Variants in RPS6KA2 observed in about 807,000 individuals in gnomAD.
RPS6KA2 encodes the protein ribosomal protein S6 kinase A2.
In RPS6KA2, 42 loss-of-function variants were observed where a neutral mutation model predicts 91.8. The ratio of observed to expected loss-of-function variants is 0.46; its 90% CI spans 0.36 to 0.59. RPS6KA2 has a LOEUF of 0.59. RPS6KA2 is among the 20% of genes least tolerant of loss of function. The pLI, the probability that RPS6KA2 is intolerant of heterozygous loss-of-function variation, is 0.00. For synonymous variants in RPS6KA2, 414 were observed against 393.6 expected, an observed-to-expected ratio of 1.05 and a Z score of -0.61; for missense variants, 798 against 978.5, an observed-to-expected ratio of 0.82 and a Z score of 2.46.
intron 10 of RPS6KA2, chr6:166,475,901 A>G (rs1029204221): frequency 2.0e-6 from 1 of 492,748 alleles, no homozygotes; most frequent in African/African-American, 2.0e-5. Flanking sequence ...ACATGTATAA[A>G]CACATTATGC....
intron 2 of RPS6KA2, among the ~76,000 whole-genome samples, chr6:166,697,092 T>C (rs981181592): frequency 5.2e-5 from 7 of 135,396 alleles, no homozygotes; most frequent in Non-Finnish European, 7.7e-5. Context: ...TTTGTATGTG[T>C]GTATATGTGT....
chr6:166,736,973 TA>T (rs1790686366), intron 2 of RPS6KA2, among the ~76,000 whole-genome samples: 1 of 104,806 alleles, frequency 9.5e-6, no homozygotes, highest in African/African-American at 3.6e-5. Context: ...CCCAGAACCA[TA>T]ACCGATGCAG....
chr6:166,802,682 A>G (rs845659), intron 2 of RPS6KA2, among the ~76,000 whole-genome samples: 108,603 of 152,062 alleles, frequency 0.71, 39,227 homozygotes, highest in East Asian at 0.94. Context: ...CATGAAAACC[A>G]GTTGATCTGT....
chr6:166,587,012 T>C (rs148097226), intron 1 of RPS6KA2, among the ~76,000 whole-genome samples: 5 of 152,284 alleles, frequency 3.3e-5, no homozygotes, highest in Non-Finnish European at 7.4e-5. Context: ...GCTTCTTTCA[T>C]AGTCTCTTTC....
chr6:166,636,837 A>C (rs1382076313), intron 2 of RPS6KA2, among the ~76,000 whole-genome samples: 1 of 152,230 alleles, frequency 6.6e-6, no homozygotes, highest in Non-Finnish European at 1.5e-5. Flanking sequence ...TTTGAAAGGA[A>C]AGTTTCTACC....
At chr6:166,681,068 C>G (rs1462865993) in intron 2 of RPS6KA2, among the ~76,000 whole-genome samples, 1 of 152,160 alleles carries the variant, frequency 6.6e-6, no homozygotes, top group African/African-American at 2.4e-5. Context: ...GCTTTGTTCC[C>G]TAGTGAAGCA....
intron 2 of RPS6KA2, among the ~76,000 whole-genome samples, chr6:166,759,776 C>A (rs993965697): frequency 6.6e-6 from 1 of 152,214 alleles, no homozygotes; most frequent in African/African-American, 2.4e-5. Context: ...TACCGTCTAC[C>A]GCTGGCTGCA....
At position 166,445,094 on chromosome 6, in the gene RPS6KA2, T is replaced by C. The variant is rs192223052; in HGVS notation, c.1332+3630A>G. 6.6e-6 allele frequency among the ~76,000 whole-genome samples: 1 copy of C among 152,262 alleles called. No individual in the cohort carries two copies. The highest frequency in any genetic ancestry group is 1.5e-5 in the Non-Finnish European group (1 of 68,016). ...TAACTTAAAGCAAAATATAATGATA[T>C]TCTAAGAATGTGAGAAGTACTATGA... On this transcript the variant is annotated intron_variant, in intron 14 of 20. Transcript: ENST00000265678. The surrounding 1 kb of genome is among the most constrained non-coding windows in gnomAD (Gnocchi z 4.5).
rs972451702 is a variant in RPS6KA2 at position 166,433,068 on chromosome 6, C to T, written c.1333-578G>A. ...GGTGTTATAAGGTTGGGTGGAGACACGTGTAGGGAGCTCATGCAAGTGCCA... is the reference window on the plus strand; with the variant it reads ...GGTGTTATAAGGTTGGGTGGAGACATGTGTAGGGAGCTCATGCAAGTGCCA... On this transcript the variant is annotated intron_variant, in intron 14 of 20. Transcript: ENST00000265678. This position sits in a 1 kb window ranked among gnomAD's most constrained non-coding sequence, Gnocchi z 4.4. 2.0e-5 allele frequency among the ~76,000 whole-genome samples: 3 copies of T among 151,528 alleles called. No individual in the cohort carries two copies. The highest frequency in any genetic ancestry group is 2.9e-5 in the Non-Finnish European group (2 of 67,974).
rs1429042032 is a variant in RPS6KA2 at position 166,493,433 on chromosome 6, T to C, written c.748-2692A>G. 1.3e-5 allele frequency among the ~76,000 whole-genome samples: 2 copies of C among 152,012 alleles called. No individual in the cohort carries two copies. Among genetic ancestry groups the C allele is most frequent in the African/African-American group, 4.8e-5 (2 of 41,376 alleles). ...TTTGCTGATGAGTTTCTTGGGACGTTATTTACAGTAAGACTTTTGCTGTGT... is the reference window on the plus strand; with the variant it reads ...TTTGCTGATGAGTTTCTTGGGACGTCATTTACAGTAAGACTTTTGCTGTGT... On this transcript the variant is annotated intron_variant, in intron 8 of 20. Coordinates refer to ENST00000265678, the MANE Select transcript of RPS6KA2 (RefSeq NM_021135.6). This position sits in a 1 kb window ranked among gnomAD's most constrained non-coding sequence, Gnocchi z 4.7.
chr6:166,834,483 G>C (rs1037004125), intron 2 of RPS6KA2, among the ~76,000 whole-genome samples: 13 of 152,116 alleles, frequency 8.5e-5, no homozygotes, highest in Middle Eastern at 3.2e-3. Context: ...GGTGGGAGGA[G>C]AGAGAGAATC....
rs537535434 is a variant in RPS6KA2, at chr6:166,833,897, CTTTT to C, written c.123+24299_123+24302del. The stretch of plus-strand genomic sequence containing the variant: ...AATTCCTTTTCTTCTTTCTTTCTTT[CTTTT>C]TTTTTCTTTTTTTACAGGGTTGGGG... On this transcript the variant is annotated intron_variant, in intron 2 of 21. Transcript: ENST00000503859. Among the ~76,000 whole-genome samples the C allele has an allele frequency of 2.0e-5, 3 of 150,640 alleles. No homozygotes were observed. In the East Asian group the frequency reaches 5.8e-4, roughly 29 times the overall value.
At chr6:166,677,758 C>T (rs1788660987) in intron 2 of RPS6KA2, among the ~76,000 whole-genome samples, 1 of 152,064 alleles carries the variant, frequency 6.6e-6, no homozygotes, top group South Asian at 2.1e-4. Context: ...CACAAAATAA[C>T]CTGGAGCTGT....
intron 2 of RPS6KA2, among the ~76,000 whole-genome samples, chr6:166,633,083 G>A (rs1324375668): frequency 6.6e-6 from 1 of 152,194 alleles, no homozygotes; most frequent in African/African-American, 2.4e-5. Context: ...AGTTGGATGT[G>A]GTGGTGTGTG....
At chr6:166,565,824 C>T (rs1784483272) in intron 1 of RPS6KA2, among the ~76,000 whole-genome samples, 2 of 152,136 alleles carry the variant, frequency 1.3e-5, no homozygotes, top group African/African-American at 4.8e-5. Flanking sequence ...AGCTAGCACT[C>T]GGGACTCCAC....
chr6:166,498,363 A>G, intron 8 of RPS6KA2, 145 bp downstream of exon 8: 1 of 924,212 alleles, frequency 1.1e-6, no homozygotes, highest in Non-Finnish European at 1.5e-6. Flanking sequence ...CTGCCAGGAA[A>G]TGCTTGGCCT....
intron 2 of RPS6KA2, among the ~76,000 whole-genome samples, chr6:166,679,731 G>A (rs1334615218): frequency 6.6e-6 from 1 of 152,220 alleles, no homozygotes; most frequent in African/African-American, 2.4e-5. Context: ...GCCGGAGCCG[G>A]CTCTCTCTGC....
chr6:166,556,131 C>G (rs2128503381), intron 1 of RPS6KA2, among the ~76,000 whole-genome samples: 1 of 152,298 alleles, frequency 6.6e-6, no homozygotes, highest in Non-Finnish European at 1.5e-5. Flanking sequence ...AGTGAATAGC[C>G]TGTTCCTGGA....
chr6:166,786,361 A>G (rs1304031949), intron 2 of RPS6KA2, among the ~76,000 whole-genome samples: 1 of 152,260 alleles, frequency 6.6e-6, no homozygotes, highest in East Asian at 1.9e-4. Context: ...AAGAAAAGCA[A>G]ACCAGTTAAA....
Sources: allele counts gnomAD v4.1 joint callset (sites outside exome capture counted in the v4.1 genomes callset), GRCh38; gene constraint gnomAD v4.1.1; non-coding constraint Gnocchi (gnomAD v3.1); transcripts MANE v1.5; gene names NCBI Gene and HGNC (gene_info 2026-07-23, HGNC 2026-07-21).